NALF1: variants seen among roughly 807,000 people sequenced by gnomAD.
NALF1 encodes the protein family with sequence similarity 155 member A.
Under a neutral mutation model 48.4 loss-of-function variants are expected in NALF1, and 3 were observed. The observed-to-expected ratio is 0.06, with a 90% CI of 0.03 to 0.16. The LOEUF is 0.16. NALF1 is among the 10% of genes least tolerant of loss of function. The pLI, the probability that NALF1 is intolerant of heterozygous loss-of-function variation, is 1.00. For missense variants in NALF1, 526 were observed against 571.5 expected (o/e 0.92, Z 0.81); for synonymous variants, 262 against 245.7 (o/e 1.07, Z -0.62).
intron 1 of NALF1, among the ~76,000 whole-genome samples, chr13:107,390,649 C>T (rs1288066604): frequency 6.6e-6 from 1 of 151,908 alleles, no homozygotes; most frequent in African/African-American, 2.4e-5. Context: ...TTACTTGAGG[C>T]AAAGTTGATT....
intron 2 of NALF1, among the ~76,000 whole-genome samples, chr13:107,204,626 A>G (rs1879596063): frequency 6.6e-6 from 1 of 152,212 alleles, no homozygotes; most frequent in Admixed American, 6.5e-5. Flanking sequence ...ACTGAAATAA[A>G]CCTCAAAAAG....
Position 107,596,089 on chromosome 13 carries a change from G to C in NALF1, c.915+269593C>G, listed in dbSNP as rs61965947. On this transcript the variant is annotated intron_variant, in intron 1 of 2. Transcript: ENST00000375915. ...GGCAATGGAGAGAAAATTATCTTCA[G>C]TGGAGGAGGAATGATCTGTGGGAGA... Among the ~76,000 whole-genome samples, 634 of 152,304 alleles carry C rather than the reference G, an allele frequency of 4.2e-3. 3 individuals carry two copies. The highest frequency in any genetic ancestry group is 5.8e-3 in the Non-Finnish European group (392 of 68,020).
chr13:107,266,471 A>G (rs111675020), intron 1 of NALF1, among the ~76,000 whole-genome samples: 40 of 152,118 alleles, frequency 2.6e-4, no homozygotes, highest in African/African-American at 8.4e-4. Flanking sequence ...TTTTGGCATC[A>G]TTTCTTCTTA....
intron 1 of NALF1, among the ~76,000 whole-genome samples, chr13:107,371,314 G>A (rs1164324049): frequency 6.6e-6 from 1 of 152,040 alleles, no homozygotes; most frequent in Non-Finnish European, 1.5e-5. Flanking sequence ...AGGCATGATG[G>A]TGCATGCCTG....
chr13:107,523,083 T>C (rs1249136342), intron 1 of NALF1, among the ~76,000 whole-genome samples: 1 of 152,180 alleles, frequency 6.6e-6, no homozygotes, highest in Non-Finnish European at 1.5e-5. Flanking sequence ...AGTTGGCAGT[T>C]GCAAAGGGAG....
chr13:107,749,842 CAG>C (rs1404579810), intron 1 of NALF1, among the ~76,000 whole-genome samples: 7 of 151,036 alleles, frequency 4.6e-5, no homozygotes, highest in African/African-American at 1.7e-4. Context: ...TTGTTTGAGA[CAG>C]AGTCTTGCTC....
At chr13:107,178,840 G>C (rs1878997274) in intron 2 of NALF1, among the ~76,000 whole-genome samples, 1 of 152,078 alleles carries the variant, frequency 6.6e-6, no homozygotes, top group Non-Finnish European at 1.5e-5. Context: ...AGCTACTCGG[G>C]AGGCTGAGTC....
intron 1 of NALF1, among the ~76,000 whole-genome samples, chr13:107,269,890 G>A (rs1163742483): frequency 1.3e-5 from 2 of 148,230 alleles, no homozygotes; most frequent in African/African-American, 5.0e-5. Flanking sequence ...GGGACTACAG[G>A]TGCCCACCAC....
chr13:107,710,746 CAT>C (rs977368348), intron 1 of NALF1, among the ~76,000 whole-genome samples: 2 of 142,714 alleles, frequency 1.4e-5, no homozygotes, highest in African/African-American at 5.1e-5. Context: ...ATATACATAT[CAT>C]ATATATACAT....
At chr13:107,854,192 G>T (rs773403247) in intron 1 of NALF1, among the ~76,000 whole-genome samples, 1 of 152,196 alleles carries the variant, frequency 6.6e-6, no homozygotes, top group Non-Finnish European at 1.5e-5. Flanking sequence ...CTTTTCATAA[G>T]TGACTTTTAA....
intron 1 of NALF1, among the ~76,000 whole-genome samples, chr13:107,496,166 G>A (rs1875328015): frequency 6.6e-6 from 1 of 152,030 alleles, no homozygotes; most frequent in African/African-American, 2.4e-5. Context: ...AATTATCTCT[G>A]GGTTTTAAAA....
chr13:107,473,943 T>C (rs1446186355), intron 1 of NALF1, among the ~76,000 whole-genome samples: 1 of 152,136 alleles, frequency 6.6e-6, no homozygotes, highest in Non-Finnish European at 1.5e-5. Context: ...TCCCTGTATA[T>C]GAACAAGGAG....
Position 107,177,728 on chromosome 13 carries a change from A to G in NALF1, c.1088-6942T>C, listed in dbSNP as rs977725469. 2.6e-5 allele frequency among the ~76,000 whole-genome samples: 4 copies of G among 152,356 alleles called. No individual in the cohort carries two copies. In the South Asian group the frequency reaches 6.2e-4, roughly 24 times the overall value. ...TGAAACTAGACTCCTATTTCTTGCC[A>G]TATACGAAAATCAAATCAAAGTGTT... is the stretch of plus-strand genomic sequence containing the variant. On this transcript the variant is annotated intron_variant, in intron 2 of 2. Coordinates refer to ENST00000375915, the MANE Select transcript of NALF1 (RefSeq NM_001080396.3).
At chr13:107,651,521 T>A (rs931047610) in intron 1 of NALF1, among the ~76,000 whole-genome samples, 2 of 152,238 alleles carry the variant, frequency 1.3e-5, no homozygotes, top group African/African-American at 4.8e-5. Context: ...AAGATCATAA[T>A]GCTGTTGCAA....
Position 107,165,381 on chromosome 13 carries a change from A to G in NALF1, c.*5116T>C, listed in dbSNP as rs1157975437. 4 of 152,174 alleles carry G rather than the reference A, an allele frequency of 2.6e-5. No homozygotes were observed. Among genetic ancestry groups the G allele is most frequent in the Non-Finnish European group, 4.4e-5 (3 of 68,054 alleles). 9.4% of individuals were successfully genotyped at this position (152,174 alleles called of 1,614,324 possible). On this transcript the variant is annotated 3_prime_UTR_variant, in exon 3 of 3. Transcript: ENST00000375915. ...ACCTAGGGATCCCACTGTGCCTCGG[A>G]GCCAGCTTGTGTAATTTGTAATCAG...
chr13:107,213,230 C>CAAAAAAAAAAAAAAAAAAAAAAAAAAAA (rs386380636), intron 1 of NALF1, among the ~76,000 whole-genome samples: 4 of 103,380 alleles, frequency 3.9e-5, no homozygotes, highest in African/African-American at 3.8e-5. Flanking sequence ...TTTTTTAACT[C>CAAAAAAAAAAAAAAAAAAAAAAAAAAAA]AAAAAAAAAA....
intron 1 of NALF1, among the ~76,000 whole-genome samples, chr13:107,350,524 C>T (rs951352728): frequency 2.0e-5 from 3 of 152,178 alleles, no homozygotes; most frequent in Non-Finnish European, 4.4e-5. Context: ...GGGACAGCTA[C>T]TAACATTAGC....
chr13:107,796,900 T>G (rs531050631), intron 1 of NALF1, among the ~76,000 whole-genome samples: 1 of 152,288 alleles, frequency 6.6e-6, no homozygotes, highest in Non-Finnish European at 1.5e-5. Flanking sequence ...TTCCATCACC[T>G]TATTTTACCA....
intron 1 of NALF1, among the ~76,000 whole-genome samples, chr13:107,556,346 T>TAGAG (rs200946392): frequency 9.5e-4 from 141 of 147,854 alleles, no homozygotes; most frequent in Non-Finnish European, 7.7e-4. Context: ...CACATATATA[T>TAGAG]ATATAGAGAG....
Sources: gnomAD v4.1 joint callset for allele counts (sites outside exome capture counted in the v4.1 genomes callset) on GRCh38, gnomAD v4.1.1 for gene constraint, MANE v1.5 for transcripts, NCBI Gene and HGNC (gene_info 2026-07-23, HGNC 2026-07-21) for gene names.